The following PDE12 variants were observed in gnomAD, a reference collection of about 807,000 sequenced individuals.
PDE12 encodes 2',5'-phosphodiesterase 12.
In PDE12, 26 loss-of-function variants were observed where a neutral mutation model predicts 45.4. The ratio of observed to expected loss-of-function variants is 0.57; its 90% confidence interval spans 0.42 to 0.79. PDE12 has a LOEUF of 0.79. Ranked by LOEUF, PDE12 falls within the 30% of genes least tolerant of loss-of-function variation. The probability of loss-of-function intolerance (pLI) is 0.00; values close to 1 mark genes in which losing one functional copy is unlikely to be tolerated. For synonymous variants in PDE12, 283 were observed against 323.9 expected, an observed-to-expected ratio of 0.87 and a Z score of 1.36; for missense variants, 668 against 790.0, an observed-to-expected ratio of 0.85 and a Z score of 1.85.
chr3:57,556,798 A>G lies in PDE12; in HGVS notation c.419A>G (p.Asp140Gly). The change falls in exon 1 of 3, where the codon GAT (aspartate) becomes GGT (glycine). Residue 140 changes from aspartate (D) to glycine (G), a missense_variant. By Grantham distance (94) the Asp-to-Gly change is moderately conservative (BLOSUM62 -1). This residue lies in a region of PDE12 where 580 missense variants were observed against 662.9 expected (regional missense o/e 0.87). Coordinates refer to ENST00000311180, the MANE Select transcript of PDE12 (RefSeq NM_177966.7). This position sits in a 1 kb window ranked among gnomAD's most constrained non-coding sequence, Gnocchi z 5.0. ...GTGGCTGAGGACGTGCTCAACGTGGATGCCTGGCAAGACGGCGCGGTGCTG... is the reference window on the plus strand; with the variant it reads ...GTGGCTGAGGACGTGCTCAACGTGGGTGCCTGGCAAGACGGCGCGGTGCTG... ...EAVAEDVLNV[D>G]AWQDGAVLQI... is the part of the protein sequence containing the mutation. 2 of 1,612,474 alleles carry G rather than the reference A, an allele frequency of 1.2e-6. No individual in the cohort carries two copies. The highest frequency in any genetic ancestry group is 1.7e-6 in the Non-Finnish European group (2 of 1,178,864).
At chr3:57,628,769 A>C in the PDE12 span, 1 of 1,589,466 alleles carries the variant, frequency 6.3e-7, no homozygotes, top group Non-Finnish European at 8.6e-7. Flanking sequence ...CAATGTCTTC[A>C]AAGAAAAGTC....
the PDE12 span, among the ~76,000 whole-genome samples, chr3:57,643,156 T>G: frequency 6.6e-6 from 1 of 151,686 alleles, no homozygotes; most frequent in Non-Finnish European, 1.5e-5. Context: ...AGATAAGAAA[T>G]GTAATCAGAG....
chr3:57,569,457 A>G (rs946431133), downstream of PDE12, among the ~76,000 whole-genome samples: 2 of 151,974 alleles, frequency 1.3e-5, no homozygotes, highest in African/African-American at 2.4e-5. Context: ...GGTTCAAGCA[A>G]TTCTCCCACT....
chr3:57,650,421 T>TACACAC, the PDE12 span, among the ~76,000 whole-genome samples: 29,558 of 149,816 alleles, frequency 0.2, 3,080 homozygotes, highest in East Asian at 0.37. Context: ...TGCATTTACA[T>TACACAC]ACACACACAC....
chr3:57,568,529 A>G (rs2069806654), downstream of PDE12, among the ~76,000 whole-genome samples: 2 of 152,068 alleles, frequency 1.3e-5, no homozygotes, highest in South Asian at 4.1e-4. Flanking sequence ...TGTATACTCA[A>G]GTAAACTGAA....
At chr3:57,576,139 C>CA in the PDE12 span, among the ~76,000 whole-genome samples, 20 of 149,658 alleles carry the variant, frequency 1.3e-4, no homozygotes, top group Admixed American at 6.6e-4. Context: ...ATGAAATATA[C>CA]AAAAAAAAAG....
rs2069724243 is a variant in PDE12, at chr3:57,561,180, T to C, written c.*1176T>C. On this transcript the variant is annotated 3_prime_UTR_variant, in exon 3 of 3. Transcript: ENST00000311180. ...GAAAAATGTTCATAAATGAACAGGGTATTTGACCATATGATATTAGAAAAT... is the reference window on the plus strand; with the variant it reads ...GAAAAATGTTCATAAATGAACAGGGCATTTGACCATATGATATTAGAAAAT... 1 of 983,646 alleles carries C rather than the reference T, an allele frequency of 1.0e-6. No homozygotes were observed. The highest frequency in any genetic ancestry group is 5.2e-4 in the Middle Eastern group (1 of 1,906). The allele number at this position is 983,646 out of a possible 1,614,324, so 60.9% of individuals were successfully genotyped here.
chr3:57,634,572 T>C, the PDE12 span: 1 of 1,399,696 alleles, frequency 7.1e-7, no homozygotes, highest in Non-Finnish European at 9.5e-7. Flanking sequence ...TGTAATTGTT[T>C]TATGATCTCT....
At chr3:57,595,703 C>A in the PDE12 span, among the ~76,000 whole-genome samples, 1 of 152,144 alleles carries the variant, frequency 6.6e-6, no homozygotes, top group Non-Finnish European at 1.5e-5. Context: ...AATCCCAGCA[C>A]TCTGGGAAGC....
At chr3:57,598,168 C>T in the PDE12 span, 2 of 151,996 alleles carry the variant, frequency 1.3e-5, no homozygotes, top group Non-Finnish European at 2.9e-5. Flanking sequence ...TATGATCGGG[C>T]CTGGCGCGGT....
At chr3:57,645,872 A>C in the PDE12 span, 7 of 690,674 alleles carry the variant, frequency 1.0e-5, no homozygotes, top group Non-Finnish European at 1.7e-5. Context: ...TGTTTATTTT[A>C]ATAAATGGTA....
At position 57,563,218 on chromosome 3, in the gene PDE12, C is replaced by T. The variant is rs191194821; in HGVS notation, c.*3214C>T. The T allele has an allele frequency of 6.6e-6, 1 of 152,306 alleles. No individual in the cohort carries two copies. The highest frequency in any genetic ancestry group is 6.5e-5 in the Admixed American group (1 of 15,282). 9.4% of individuals were successfully genotyped at this position (152,306 alleles called of 1,614,324 possible). On this transcript the variant is annotated 3_prime_UTR_variant, in exon 3 of 3. Coordinates refer to ENST00000311180, the MANE Select transcript of PDE12 (RefSeq NM_177966.7). ...AGATAGAGTCTCACTGTTACCCAGG[C>T]TGGAGTGCAGTGGTGCAGTCATAAC... is the stretch of plus-strand genomic sequence containing the variant.
the PDE12 span, among the ~76,000 whole-genome samples, chr3:57,635,458 TA>T: frequency 1.3e-5 from 2 of 152,114 alleles, no homozygotes; most frequent in African/African-American, 4.8e-5. Flanking sequence ...AAGATACACT[TA>T]AAAGTGTCAT....
chr3:57,618,366 C>T, the PDE12 span, among the ~76,000 whole-genome samples: 1 of 152,240 alleles, frequency 6.6e-6, no homozygotes, highest in Non-Finnish European at 1.5e-5. Flanking sequence ...AAAGGCTATA[C>T]AGTCATCTCA....
the PDE12 span, chr3:57,575,577 G>C: frequency 1.2e-6 from 2 of 1,613,236 alleles, no homozygotes; most frequent in African/African-American, 1.3e-5. Flanking sequence ...TGAAGCCCTA[G>C]TTTATCTGTC....
rs1219141098 is a variant in PDE12 at position 57,564,051 on chromosome 3, C to T, written c.*4047C>T. Reference sequence around the variant, plus strand: ...GTATTAACTTCGTGATTTTATTTTTCTTCTTAGCACTAACTTCAAAATAAC... The same window carrying T: ...GTATTAACTTCGTGATTTTATTTTTTTTCTTAGCACTAACTTCAAAATAAC... On this transcript the variant is annotated 3_prime_UTR_variant, in exon 3 of 3. Coordinates refer to ENST00000311180, the MANE Select transcript of PDE12 (RefSeq NM_177966.7). 1 of 152,044 alleles carries T rather than the reference C, an allele frequency of 6.6e-6. No individual in the cohort carries two copies. The highest frequency in any genetic ancestry group is 1.5e-5 in the Non-Finnish European group (1 of 67,996). The allele number at this position is 152,044 out of a possible 1,614,324, so 9.4% of individuals were successfully genotyped here. A position where few individuals can be genotyped will look rare whatever the true frequency, so the allele number is the denominator to read the frequency against.
At chr3:57,601,060 G>A in the PDE12 span, 10 of 151,970 alleles carry the variant, frequency 6.6e-5, no homozygotes, top group African/African-American at 2.4e-4. Flanking sequence ...AGTTGCCCAG[G>A]CTCAAAAGCA....
At chr3:57,577,304 T>C in the PDE12 span, 2 of 1,604,702 alleles carry the variant, frequency 1.2e-6, no homozygotes, top group Admixed American at 3.3e-5. Flanking sequence ...GAATTTAAAG[T>C]ATATTTCTTA....
chr3:57,654,302 A>G, the PDE12 span, among the ~76,000 whole-genome samples: 1 of 152,140 alleles, frequency 6.6e-6, no homozygotes, highest in African/African-American at 2.4e-5. Context: ...CTTTTGAGAA[A>G]GATATAGTAT....
Sources: allele counts gnomAD v4.1 joint callset (sites outside exome capture counted in the v4.1 genomes callset), GRCh38; gene constraint gnomAD v4.1.1; regional missense constraint gnomAD v4.1.1; non-coding constraint Gnocchi (gnomAD v3.1); transcripts MANE v1.5; gene names NCBI Gene and HGNC (gene_info 2026-07-23, HGNC 2026-07-21).